ATXN7L1: variants seen among roughly 807,000 people sequenced by gnomAD.
ATXN7L1 encodes ataxin-7-like protein 1.
In ATXN7L1, 15 loss-of-function variants were observed where a neutral mutation model predicts 70.8. The ratio of observed to expected loss-of-function variants is 0.21; its 90% CI spans 0.14 to 0.33. The LOEUF is 0.33. Among genes scored for constraint, ATXN7L1 ranks in the 10% least tolerant of loss-of-function variants. ATXN7L1 has a pLI of 1.00. For missense variants in ATXN7L1, 975 were observed against 1,097.1 expected, an observed-to-expected ratio of 0.89 and a Z score of 1.57; for synonymous variants, 440 against 445.1, an observed-to-expected ratio of 0.99 and a Z score of 0.14.
At chr7:105,727,762 A>ATATATATATATG in intron 3 of ATXN7L1, among the ~76,000 whole-genome samples, 1 of 92,068 alleles carries the variant, frequency 1.1e-5, no homozygotes, top group African/African-American at 4.4e-5. Flanking sequence ...ATATATATAT[A>ATATATATATATG]TATATATATA....
chr7:105,799,568 G>A (rs893809153), intron 2 of ATXN7L1, among the ~76,000 whole-genome samples: 25 of 152,034 alleles, frequency 1.6e-4, no homozygotes, highest in Non-Finnish European at 3.1e-4. Context: ...GGTTCTGGCT[G>A]TGACTGATCT....
intron 3 of ATXN7L1, among the ~76,000 whole-genome samples, chr7:105,741,238 G>C (rs1040210147): frequency 1.3e-5 from 2 of 152,164 alleles, no homozygotes; most frequent in African/African-American, 4.8e-5. Flanking sequence ...AGCTCAGGGA[G>C]GGTCTTGTGT....
intron 2 of ATXN7L1, among the ~76,000 whole-genome samples, chr7:105,866,134 T>C (rs1464333585): frequency 1.3e-5 from 2 of 152,088 alleles, no homozygotes; most frequent in Non-Finnish European, 2.9e-5. Context: ...GTCAATGCCT[T>C]GAGGTAAGGT....
intron 4 of ATXN7L1, among the ~76,000 whole-genome samples, chr7:105,647,215 G>A (rs1318983541): frequency 3.3e-5 from 5 of 152,218 alleles, no homozygotes; most frequent in African/African-American, 1.2e-4. Context: ...CTTGTTGCAT[G>A]AGCTGGTACG....
At chr7:105,692,375 TTCCTTCCTTCCTTCC>T (rs1791016462) in intron 3 of ATXN7L1, among the ~76,000 whole-genome samples, 47 of 54,802 alleles carry the variant, frequency 8.6e-4, no homozygotes, top group African/African-American at 2.8e-3. Flanking sequence ...CTTTCTTTCC[TTCCTTCCTTCCTTCC>T]TTCCTTCCTT....
intron 5 of ATXN7L1, among the ~76,000 whole-genome samples, chr7:105,640,889 C>T (rs1410341598): frequency 2.0e-5 from 3 of 152,222 alleles, no homozygotes; most frequent in Non-Finnish European, 4.4e-5. Flanking sequence ...AGCAGTGTTG[C>T]TGGTGGTAGA....
At chr7:105,639,632 G>T in intron 5 of ATXN7L1, 63 bp from the exon 6 acceptor site, 2 of 1,204,592 alleles carry the variant, frequency 1.7e-6, no homozygotes, top group South Asian at 1.4e-5. Context: ...TTGGCATTAA[G>T]ACTACATTTT....
intron 2 of ATXN7L1, among the ~76,000 whole-genome samples, chr7:105,870,104 A>G (rs1585199375): frequency 6.6e-6 from 1 of 152,002 alleles, no homozygotes; most frequent in African/African-American, 2.4e-5. Context: ...ACACGGTGAA[A>G]CCCAGCCTCT....
intron 3 of ATXN7L1, among the ~76,000 whole-genome samples, chr7:105,775,735 C>T (rs750753119): frequency 1.2e-4 from 18 of 152,222 alleles, no homozygotes; most frequent in Non-Finnish European, 2.4e-4. Flanking sequence ...AGACACCAGA[C>T]GAAAGGGTGA....
At chr7:105,663,098 C>A (rs775367547) in intron 4 of ATXN7L1, among the ~76,000 whole-genome samples, 1 of 152,204 alleles carries the variant, frequency 6.6e-6, no homozygotes, top group African/African-American at 2.4e-5. Context: ...GGACACCATG[C>A]AGCCCCAGTA....
chr7:105,804,704 T>C (rs969159798), intron 2 of ATXN7L1, among the ~76,000 whole-genome samples: 3 of 152,366 alleles, frequency 2.0e-5, no homozygotes, highest in Admixed American at 6.5e-5. Flanking sequence ...CGTTAGGTAC[T>C]GTGCTAAGTG....
intron 3 of ATXN7L1, among the ~76,000 whole-genome samples, chr7:105,764,559 A>G (rs535266720): frequency 3.9e-5 from 6 of 152,286 alleles, no homozygotes; most frequent in Middle Eastern, 3.4e-3. Flanking sequence ...AAACATCTAA[A>G]TCATTCATTC....
chr7:105,764,243 G>T (rs1006219066), intron 3 of ATXN7L1, among the ~76,000 whole-genome samples: 2 of 151,802 alleles, frequency 1.3e-5, no homozygotes, highest in Admixed American at 1.3e-4. Flanking sequence ...TCAGTTTAAC[G>T]GAGCAAAATC....
At chr7:105,693,643 A>G (rs559662623) in intron 3 of ATXN7L1, among the ~76,000 whole-genome samples, 2 of 152,288 alleles carry the variant, frequency 1.3e-5, no homozygotes, top group South Asian at 4.1e-4. Context: ...GAAAGTAATG[A>G]GTAAGTAGAA....
At chr7:105,655,473 G>A (rs1800477118) in intron 4 of ATXN7L1, among the ~76,000 whole-genome samples, 1 of 152,208 alleles carries the variant, frequency 6.6e-6, no homozygotes, top group Non-Finnish European at 1.5e-5. Context: ...TGGGCAGAGT[G>A]AGGGGCAAGG....
At chr7:105,866,178 A>G (rs1817443165) in intron 2 of ATXN7L1, among the ~76,000 whole-genome samples, 1 of 152,184 alleles carries the variant, frequency 6.6e-6, no homozygotes, top group South Asian at 2.1e-4. Context: ...AGTTAAGGGT[A>G]TCCTTACACC....
At chr7:105,818,206 G>A (rs1010523640) in intron 2 of ATXN7L1, among the ~76,000 whole-genome samples, 4 of 152,126 alleles carry the variant, frequency 2.6e-5, no homozygotes, top group Non-Finnish European at 5.9e-5. Context: ...GTCTCATTCT[G>A]TTGCCCAGGC....
chr7:105,612,641 G>A (rs1195282929), intron 10 of ATXN7L1, among the ~76,000 whole-genome samples: 1 of 152,140 alleles, frequency 6.6e-6, no homozygotes, highest in East Asian at 1.9e-4. Context: ...GCCATGGGGA[G>A]TCAGAACAGT....
intron 4 of ATXN7L1, among the ~76,000 whole-genome samples, chr7:105,657,521 A>G (rs1158917925): frequency 1.3e-5 from 2 of 151,672 alleles, no homozygotes. Flanking sequence ...GAGATGGTGA[A>G]ACTCTAACTC....
Sources: allele counts gnomAD v4.1 joint callset (sites outside exome capture counted in the v4.1 genomes callset), GRCh38; gene constraint gnomAD v4.1.1; transcripts MANE v1.5; gene names NCBI Gene and HGNC (gene_info 2026-07-23, HGNC 2026-07-21).